PTBP3: variants seen among roughly 807,000 people sequenced by gnomAD.
PTBP3 encodes polypyrimidine tract binding protein 3, also known as polypyrimidine tract-binding protein 3.
A neutral mutation model predicts 58.7 loss-of-function variants in PTBP3; 20 were observed. That is an observed-to-expected ratio of 0.34 (90% CI 0.24 to 0.50). PTBP3 has a LOEUF of 0.50. Among genes scored for constraint, PTBP3 ranks in the 20% least tolerant of loss-of-function variants. The probability of loss-of-function intolerance (pLI) is 0.98; values close to 1 mark genes in which losing one functional copy is unlikely to be tolerated. For missense variants in PTBP3, 509 were observed against 637.2 expected, an observed-to-expected ratio of 0.80 and a Z score of 2.17; for synonymous variants, 185 against 219.8, an observed-to-expected ratio of 0.84 and a Z score of 1.40.
intron 5 of PTBP3, among the ~76,000 whole-genome samples, chr9:112,261,620 C>G (rs1376325187): frequency 1.3e-5 from 2 of 152,080 alleles, no homozygotes; most frequent in Admixed American, 6.5e-5. Flanking sequence ...ATGAAATCAA[C>G]ATATAGCTAA....
chr9:112,256,212 C>T (rs1006631660), intron 5 of PTBP3, among the ~76,000 whole-genome samples: 2 of 148,358 alleles, frequency 1.3e-5, no homozygotes, highest in Non-Finnish European at 3.0e-5. Context: ...TGAAATCGGG[C>T]CATTGCACTC....
At chr9:112,320,291 A>AAAATATATATATATATATAT (rs1411646280) in intron 1 of PTBP3, among the ~76,000 whole-genome samples, 43 of 73,480 alleles carry the variant, frequency 5.9e-4, no homozygotes, top group African/African-American at 3.2e-3. Flanking sequence ...AAAAAAAAAA[A>AAAATATATATATATATATAT]ATATATATAT....
At chr9:112,357,125 G>A in the PTBP3 span, among the ~76,000 whole-genome samples, 16 of 151,658 alleles carry the variant, frequency 1.1e-4, no homozygotes, top group South Asian at 3.3e-3. Flanking sequence ...CAGGTGATCC[G>A]CCCACCTCAG....
chr9:112,286,872 T>A (rs1038697681), intron 2 of PTBP3, among the ~76,000 whole-genome samples: 11 of 152,348 alleles, frequency 7.2e-5, no homozygotes, highest in African/African-American at 2.6e-4. Context: ...ACTTCATTTT[T>A]AAATTCCATA....
chr9:112,331,613 TA>T (rs1217897138), intron 1 of PTBP3, among the ~76,000 whole-genome samples: 2 of 152,186 alleles, frequency 1.3e-5, no homozygotes, highest in Non-Finnish European at 2.9e-5. Flanking sequence ...GCTTGCTGCA[TA>T]AAAAATAAAA....
At chr9:112,368,757 A>G in the PTBP3 span, among the ~76,000 whole-genome samples, 2 of 152,212 alleles carry the variant, frequency 1.3e-5, no homozygotes, top group Non-Finnish European at 2.9e-5. Context: ...GCCAATTTGC[A>G]TAAGTAACGA....
intron 2 of PTBP3, among the ~76,000 whole-genome samples, chr9:112,288,558 T>C (rs559084573): frequency 6.6e-6 from 1 of 152,300 alleles, no homozygotes; most frequent in African/African-American, 2.4e-5. Context: ...GACAATAGCA[T>C]TACCTCAATT....
chr9:112,295,983 A>G (rs1307800684), intron 2 of PTBP3, among the ~76,000 whole-genome samples: 1 of 152,252 alleles, frequency 6.6e-6, no homozygotes, highest in African/African-American at 2.4e-5. Context: ...AATGCGGCCC[A>G]AAACAAATTC....
chr9:112,272,080 T>TTC lies in PTBP3; in HGVS notation c.204+3763_204+3764insGA, dbSNP rs1491120733. On this transcript the variant is annotated intron_variant, in intron 3 of 13. Coordinates refer to ENST00000374257, the MANE Select transcript of PTBP3 (RefSeq NM_001163788.4). ...CCCATCTCACTCTTTTTATTTTTTATTTTTTTTTTGAGACAGAGTCTCACT... is the reference window on the plus strand; with the variant it reads ...CCCATCTCACTCTTTTTATTTTTTATTCTTTTTTTTTGAGACAGAGTCTCACT... Among the ~76,000 whole-genome samples the TTC allele has an allele frequency of 2.0e-3, 264 of 130,998 alleles. 2 individuals carry two copies. Among genetic ancestry groups the TTC allele is most frequent in the African/African-American group, 9.0e-3 (249 of 27,808 alleles). The allele number at this position is 130,998 out of a possible 152,430, so 85.9% of individuals were successfully genotyped here. A position where few individuals can be genotyped will look rare whatever the true frequency, so the allele number is the denominator to read the frequency against.
At chr9:112,365,649 G>C in the PTBP3 span, among the ~76,000 whole-genome samples, 2 of 152,142 alleles carry the variant, frequency 1.3e-5, no homozygotes, top group Non-Finnish European at 2.9e-5. Context: ...CTGCTGAAAA[G>C]ATACCGAAAA....
Position 112,222,425 on chromosome 9 carries a change from T to A in PTBP3, c.*1426A>T. 1 of 985,554 alleles carries A rather than the reference T, an allele frequency of 1.0e-6. No individual in the cohort carries two copies. The highest frequency in any genetic ancestry group is 1.2e-6 in the Non-Finnish European group (1 of 829,870). The allele number at this position is 985,554 out of a possible 1,614,324, so 61.1% of individuals were successfully genotyped here. ...TTAACAAAGAAAAGCAAGTTCTCGC[T>A]TGAGGACTGAGAAAAACCAAGTAAT... is the stretch of plus-strand genomic sequence containing the variant. On this transcript the variant is annotated 3_prime_UTR_variant, in exon 14 of 14. Transcript: ENST00000374257.
chr9:112,223,821 C>T lies in PTBP3; in HGVS notation c.*30G>A, dbSNP rs1343827988. The T allele has an allele frequency of 1.2e-6, 2 of 1,612,686 alleles. No individual in the cohort carries two copies. Among genetic ancestry groups the T allele is most frequent in the Non-Finnish European group, 1.7e-6 (2 of 1,179,494 alleles). On this transcript the variant is annotated 3_prime_UTR_variant, in exon 14 of 14. Coordinates refer to ENST00000374257, the MANE Select transcript of PTBP3 (RefSeq NM_001163788.4). The stretch of plus-strand genomic sequence containing the variant: ...CTGAAGGTTTTACTGAAATTATGGT[C>T]CAGTTTTAGGAGAAAAATTCACAGA...
the PTBP3 span, among the ~76,000 whole-genome samples, chr9:112,368,278 C>T: frequency 6.6e-6 from 1 of 152,228 alleles, no homozygotes; most frequent in Admixed American, 6.5e-5. Context: ...TTAAGCGATT[C>T]TTGTGCCTCG....
intron 7 of PTBP3, among the ~76,000 whole-genome samples, chr9:112,243,142 A>C (rs1158128661): frequency 6.6e-6 from 1 of 151,804 alleles, no homozygotes; most frequent in Non-Finnish European, 1.5e-5. Flanking sequence ...AAAAAAAAAA[A>C]AAAAACAGTT....
At chr9:112,365,249 T>C in the PTBP3 span, among the ~76,000 whole-genome samples, 2 of 152,228 alleles carry the variant, frequency 1.3e-5, no homozygotes, top group African/African-American at 2.4e-5. Flanking sequence ...GACACTGATA[T>C]GGTTTGGCTC....
chr9:112,298,646 G>A (rs1828793966), intron 1 of PTBP3: 2 of 435,704 alleles, frequency 4.6e-6, no homozygotes, highest in South Asian at 3.6e-5. Context: ...CAATTTTTAA[G>A]AACAAGTGTT....
rs1199531215 is a variant in PTBP3, at chr9:112,271,913, T to G, written c.205-3718A>C. On this transcript the variant is annotated intron_variant, in intron 3 of 13. Coordinates refer to ENST00000374257, the MANE Select transcript of PTBP3 (RefSeq NM_001163788.4). Reference sequence around the variant, plus strand: ...AGTGATTTGATATCTGTAGTCACTGTACTAATAGTAGATACCTGAAGAATG... The same window carrying G: ...AGTGATTTGATATCTGTAGTCACTGGACTAATAGTAGATACCTGAAGAATG... 2.6e-5 allele frequency among the ~76,000 whole-genome samples: 4 copies of G among 152,174 alleles called. No homozygotes were observed. In the East Asian group the frequency reaches 7.7e-4, roughly 29 times the overall value.
chr9:112,236,328 C>G (rs1455766694), intron 7 of PTBP3, among the ~76,000 whole-genome samples: 1 of 152,092 alleles, frequency 6.6e-6, no homozygotes, highest in Non-Finnish European at 1.5e-5. Flanking sequence ...TTAACAAATA[C>G]ATGTTGAGAG....
At chr9:112,264,234 T>C (rs1168472415) in intron 4 of PTBP3, among the ~76,000 whole-genome samples, 2 of 152,174 alleles carry the variant, frequency 1.3e-5, no homozygotes, top group African/African-American at 4.8e-5. Flanking sequence ...AAAATTAACA[T>C]ACAATAAAAA....
Sources: allele counts gnomAD v4.1 joint callset (sites outside exome capture counted in the v4.1 genomes callset), GRCh38; gene constraint gnomAD v4.1.1; transcripts MANE v1.5; gene names NCBI Gene and HGNC (gene_info 2026-07-23, HGNC 2026-07-21).